The following PTPRM variants were observed in gnomAD, a reference collection of about 807,000 sequenced individuals.
PTPRM encodes protein tyrosine phosphatase receptor type M.
Under a neutral mutation model 186.7 loss-of-function variants are expected in PTPRM, and 47 were observed. The ratio of observed to expected loss-of-function variants is 0.25; its 90% CI spans 0.20 to 0.32. PTPRM has a LOEUF of 0.32. Ranked by LOEUF, PTPRM falls within the 10% of genes least tolerant of loss-of-function variation. PTPRM has a pLI of 1.00. For missense variants in PTPRM, 1,494 were observed against 1,865.0 expected (o/e 0.80, Z 3.66); for synonymous variants, 668 against 674.9 (o/e 0.99, Z 0.16).
At chr18:7,781,079 A>G (rs558597552) in intron 2 of PTPRM, among the ~76,000 whole-genome samples, 1 of 152,272 alleles carries the variant, frequency 6.6e-6, no homozygotes, top group African/African-American at 2.4e-5. Context: ...TATTTCCTTT[A>G]TTAGTATTAT....
chr18:7,668,768 A>ACTGC lies in PTPRM; in HGVS notation c.73+100879_73+100882dup, dbSNP rs1401029503. On this transcript the variant is annotated intron_variant, in intron 1 of 32. Coordinates refer to ENST00000580170, the MANE Select transcript of PTPRM (RefSeq NM_001105244.2). The surrounding 1 kb of genome is among the most constrained non-coding windows in gnomAD (Gnocchi z 4.7). Reference sequence around the variant, plus strand: ...GGCTCACCCTGGCCACTGCCACAGAACTGCCATTCCTGCACCCAGAGGCCT... The same window carrying ACTGC: ...GGCTCACCCTGGCCACTGCCACAGAACTGCCTGCCATTCCTGCACCCAGAGGCCT... Among the ~76,000 whole-genome samples, 1 of 152,112 alleles carries ACTGC rather than the reference A, an allele frequency of 6.6e-6. No individual in the cohort carries two copies. Among genetic ancestry groups the ACTGC allele is most frequent in the Non-Finnish European group, 1.5e-5 (1 of 68,028 alleles).
intron 5 of PTPRM, among the ~76,000 whole-genome samples, chr18:7,937,330 G>A (rs954820980): frequency 1.3e-5 from 2 of 152,198 alleles, no homozygotes; most frequent in Non-Finnish European, 2.9e-5. Flanking sequence ...GGTGTCTGAA[G>A]TTTCTGGGTG....
chr18:8,135,297 T>A (rs1217851973), intron 13 of PTPRM, among the ~76,000 whole-genome samples: 3 of 152,200 alleles, frequency 2.0e-5, no homozygotes, highest in Non-Finnish European at 4.4e-5. Flanking sequence ...GAAAGTAAGA[T>A]ATTATTATAT....
chr18:7,733,077 C>T (rs997232112), intron 1 of PTPRM, among the ~76,000 whole-genome samples: 12 of 151,186 alleles, frequency 7.9e-5, no homozygotes, highest in Middle Eastern at 6.8e-3. Context: ...ATTTATTTTA[C>T]TTATTTTGTA....
chr18:7,895,189 TG>T (rs895575501), intron 3 of PTPRM, among the ~76,000 whole-genome samples: 1 of 146,584 alleles, frequency 6.8e-6, no homozygotes, highest in African/African-American at 2.6e-5. Flanking sequence ...TACAGCGGGG[TG>T]GGGGGTAGTG....
intron 8 of PTPRM, among the ~76,000 whole-genome samples, chr18:8,071,072 C>T (rs2089445199): frequency 1.3e-5 from 2 of 152,192 alleles, no homozygotes. Context: ...TCCTTTCTTT[C>T]CTCTTTTATT....
At chr18:7,871,379 G>A (rs1164191159) in intron 2 of PTPRM, among the ~76,000 whole-genome samples, 6 of 152,126 alleles carry the variant, frequency 3.9e-5, no homozygotes, top group Non-Finnish European at 8.8e-5. Context: ...CTAAACTTGC[G>A]TTAGCCATTG....
At chr18:7,895,320 A>G (rs1300085311) in intron 3 of PTPRM, among the ~76,000 whole-genome samples, 1 of 152,244 alleles carries the variant, frequency 6.6e-6, no homozygotes, top group African/African-American at 2.4e-5. Flanking sequence ...TGGTAAAAAG[A>G]GGGAACCAGT....
At chr18:8,109,067 G>A (rs527660075) in intron 11 of PTPRM, among the ~76,000 whole-genome samples, 9 of 152,296 alleles carry the variant, frequency 5.9e-5, no homozygotes, top group African/African-American at 1.4e-4. Context: ...GATTTTCAAA[G>A]CTAGTTTTGA....
At chr18:8,140,059 G>A (rs763607101) in intron 13 of PTPRM, among the ~76,000 whole-genome samples, 7 of 152,118 alleles carry the variant, frequency 4.6e-5, no homozygotes, top group Non-Finnish European at 8.8e-5. Context: ...AGTCACCACC[G>A]TGCAAAGTTC....
Position 8,069,748 on chromosome 18 carries a change from C to G in PTPRM, c.1195C>G (p.Arg399Gly). ...GGTCAAATCTCGGCAAATCACTATC[C>G]GCTGGGAGCCATTTGGATATAATGT... is the stretch of plus-strand genomic sequence containing the variant. Reference protein sequence around the residue: ...VEVKSRQITIRWEPFGYNVTR... With the variant: ...VEVKSRQITIGWEPFGYNVTR... Residue 399 changes from arginine (R) to glycine (G), a missense_variant, in exon 8 of 33, where the codon CGC becomes GGC. Around this residue, in one of 3 missense-constraint regions of PTPRM, gnomAD observed 91 missense variants for 169.3 expected, o/e 0.54. Coordinates refer to ENST00000580170, the MANE Select transcript of PTPRM (RefSeq NM_001105244.2). 1 of 1,613,802 alleles carries G rather than the reference C, an allele frequency of 6.2e-7. No individual in the cohort carries two copies. Among genetic ancestry groups the G allele is most frequent in the Non-Finnish European group, 8.5e-7 (1 of 1,179,698 alleles).
chr18:7,846,992 G>A (rs866168322), intron 2 of PTPRM, among the ~76,000 whole-genome samples: 26 of 151,490 alleles, frequency 1.7e-4, no homozygotes, highest in African/African-American at 6.3e-4. Flanking sequence ...GAAGGATATA[G>A]CAACTTATAT....
At chr18:8,247,990 C>A in intron 16 of PTPRM, 71 bp downstream of exon 16, 1 of 1,417,860 alleles carries the variant, frequency 7.1e-7, no homozygotes, top group Non-Finnish European at 1.0e-6. Context: ...CCTCTCTCTG[C>A]TATCCCTGGT....
In PTPRM at chr18:8,276,396, C is replaced by T. The variant is rs117808989; in HGVS notation, c.2755-19972C>T. Among the ~76,000 whole-genome samples the T allele has an allele frequency of 6.7e-3, 1,014 of 152,270 alleles. 7 individuals carry two copies. Among genetic ancestry groups the T allele is most frequent in the Non-Finnish European group, 0.011 (736 of 68,028 alleles). ...ACAGGATTGTCATATGATAGGTCAA[C>T]GCAGACCAGTAATGCTTAAGTTTAA... On this transcript the variant is annotated intron_variant, in intron 19 of 32. Transcript: ENST00000580170.
intron 20 of PTPRM, among the ~76,000 whole-genome samples, chr18:8,299,528 A>AG (rs1340305275): frequency 6.6e-6 from 1 of 151,704 alleles, no homozygotes; most frequent in Non-Finnish European, 1.5e-5. Flanking sequence ...TGGAGGTTGC[A>AG]GTGAGCCGAT....
intron 11 of PTPRM, among the ~76,000 whole-genome samples, chr18:8,102,555 G>A (rs145365548): frequency 0.012 from 1,833 of 151,466 alleles, 21 homozygotes; most frequent in African/African-American, 0.027. Context: ...CTGCTCATCC[G>A]TTCAAGTGTG....
At chr18:8,401,994 G>A (rs562820995) in intron 32 of PTPRM, among the ~76,000 whole-genome samples, 11 of 152,186 alleles carry the variant, frequency 7.2e-5, no homozygotes, top group African/African-American at 9.7e-5. Flanking sequence ...CCTCATGCCC[G>A]AAGCCAGCTA....
chr18:7,779,235 T>C (rs1002306565), intron 2 of PTPRM, among the ~76,000 whole-genome samples: 5 of 152,216 alleles, frequency 3.3e-5, no homozygotes, highest in African/African-American at 9.6e-5. Flanking sequence ...TGAAAGTGGA[T>C]ATCAGTGTTG....
intron 14 of PTPRM, among the ~76,000 whole-genome samples, chr18:8,150,648 T>C (rs1427214711): frequency 6.6e-6 from 1 of 152,196 alleles, no homozygotes; most frequent in African/African-American, 2.4e-5. Context: ...CCTACTTCTG[T>C]CACTTCGTCA....
Sources: allele counts gnomAD v4.1 joint callset (sites outside exome capture counted in the v4.1 genomes callset), GRCh38; gene constraint gnomAD v4.1.1; regional missense constraint gnomAD v4.1.1; non-coding constraint Gnocchi (gnomAD v3.1); transcripts MANE v1.5; gene names NCBI Gene and HGNC (gene_info 2026-07-23, HGNC 2026-07-21).